TMEM232: variants seen among roughly 807,000 people sequenced by gnomAD.
The protein encoded by TMEM232 is transmembrane protein 232.
TMEM232 carries 80 observed loss-of-function variants against 78.8 expected under a neutral mutation model. That is an observed-to-expected ratio of 1.01 (90% CI 0.85 to 1.22). The LOEUF is 1.22. Among genes scored for constraint, TMEM232 ranks in the 50% most tolerant of loss-of-function variants. The pLI, the probability that TMEM232 is intolerant of heterozygous loss-of-function variation, is 0.00. For synonymous variants in TMEM232, 297 were observed against 254.3 expected (o/e 1.17, Z -1.60); for missense variants, 881 against 742.2 (o/e 1.19, Z -2.17).
intron 12 of TMEM232, among the ~76,000 whole-genome samples, chr5:110,524,155 C>A (rs1016396111): frequency 6.7e-6 from 1 of 148,494 alleles, no homozygotes; most frequent in Non-Finnish European, 1.5e-5. Flanking sequence ...CCCAGCTATT[C>A]GGGAGGCTGA....
At chr5:110,484,826 T>C (rs1217791102) in intron 12 of TMEM232, among the ~76,000 whole-genome samples, 4 of 152,016 alleles carry the variant, frequency 2.6e-5, no homozygotes, top group Non-Finnish European at 4.4e-5. Context: ...AGCCTCAAAA[T>C]ATATGAAGCA....
At chr5:110,726,329 A>G (rs1378220384) in intron 1 of TMEM232, among the ~76,000 whole-genome samples, 1 of 151,954 alleles carries the variant, frequency 6.6e-6, no homozygotes, top group Non-Finnish European at 1.5e-5. Flanking sequence ...TTCCCTATTC[A>G]TAGCAATAAG....
intron 11 of TMEM232, among the ~76,000 whole-genome samples, chr5:110,533,486 A>G (rs1308784356): frequency 2.0e-5 from 3 of 152,168 alleles, no homozygotes. Context: ...TGTGTGCAGC[A>G]GCTGCCGCTG....
At chr5:110,498,088 CT>C (rs1765824366) in intron 12 of TMEM232, among the ~76,000 whole-genome samples, 1 of 152,068 alleles carries the variant, frequency 6.6e-6, no homozygotes, top group African/African-American at 2.4e-5. Context: ...GTTAAAGACT[CT>C]TCAAATAAGC....
chr5:110,720,482 G>C (rs1199226598), intron 1 of TMEM232: 1 of 152,058 alleles, frequency 6.6e-6, no homozygotes. Context: ...TAGGGGAGAG[G>C]GAGTCCCATC....
intron 1 of TMEM232, among the ~76,000 whole-genome samples, chr5:110,716,175 G>A (rs572785379): frequency 6.6e-6 from 1 of 152,166 alleles, no homozygotes; most frequent in African/African-American, 2.4e-5. Context: ...CATGGGCCAT[G>A]GGTACTCGTA....
At chr5:110,699,571 T>C (rs1212782987) in intron 1 of TMEM232, among the ~76,000 whole-genome samples, 1 of 152,034 alleles carries the variant, frequency 6.6e-6, no homozygotes, top group Non-Finnish European at 1.5e-5. Flanking sequence ...GAATTTCAAA[T>C]GGCATTTAGA....
At chr5:110,590,016 C>T (rs1050987346) in intron 10 of TMEM232, among the ~76,000 whole-genome samples, 1 of 152,048 alleles carries the variant, frequency 6.6e-6, no homozygotes. Context: ...AGCTTAACTC[C>T]ATTAAGACAT....
chr5:110,481,948 C>G (rs954838378), intron 12 of TMEM232, among the ~76,000 whole-genome samples: 4 of 152,170 alleles, frequency 2.6e-5, no homozygotes, highest in African/African-American at 9.7e-5. Context: ...AGCAATATTT[C>G]TCATTCTTAT....
chr5:110,389,027 G>A (rs1262267582), intron 4 of TMEM232, among the ~76,000 whole-genome samples: 7 of 152,126 alleles, frequency 4.6e-5, no homozygotes, highest in African/African-American at 1.4e-4. Flanking sequence ...TTGGGAAGCC[G>A]AGGCAGGTGG....
At chr5:110,417,445 G>A (rs577092754), downstream of TMEM232, among the ~76,000 whole-genome samples, 1 of 152,262 alleles carries the variant, frequency 6.6e-6, no homozygotes, top group East Asian at 1.9e-4. Flanking sequence ...TCCTTTGTGA[G>A]TTTTGAAGCA....
At chr5:110,511,032 T>C (rs1767669139) in intron 12 of TMEM232, among the ~76,000 whole-genome samples, 1 of 152,074 alleles carries the variant, frequency 6.6e-6, no homozygotes, top group Non-Finnish European at 1.5e-5. Flanking sequence ...TAGCAAAGAC[T>C]TGGAGACAAC....
chr5:110,615,719 T>G (rs1669708325), intron 8 of TMEM232, among the ~76,000 whole-genome samples: 1 of 151,954 alleles, frequency 6.6e-6, no homozygotes, highest in Non-Finnish European at 1.5e-5. Context: ...CAAATGATCT[T>G]ATATATAGAA....
intron 10 of TMEM232, among the ~76,000 whole-genome samples, chr5:110,592,799 T>C (rs1445314311): frequency 1.3e-5 from 2 of 152,194 alleles, no homozygotes; most frequent in Non-Finnish European, 2.9e-5. Flanking sequence ...TGTGCCATTT[T>C]AAAGATTGAA....
intron 2 of TMEM232, among the ~76,000 whole-genome samples, chr5:110,405,158 T>TA (rs1324437464): frequency 6.6e-6 from 1 of 151,920 alleles, no homozygotes; most frequent in East Asian, 1.9e-4. Context: ...TAAAGCAAGA[T>TA]AAAAAAGAGA....
intron 1 of TMEM232, among the ~76,000 whole-genome samples, chr5:110,675,100 T>C (rs1272355349): frequency 1.3e-5 from 2 of 151,996 alleles, no homozygotes; most frequent in East Asian, 3.9e-4. Flanking sequence ...GGATGGAGTG[T>C]ATTGGCGCAA....
At chr5:110,646,406 C>G (rs1235983164) in intron 2 of TMEM232, among the ~76,000 whole-genome samples, 1 of 151,684 alleles carries the variant, frequency 6.6e-6, no homozygotes, top group African/African-American at 2.4e-5. Context: ...AATCAAAAAT[C>G]CAGAAATAAA....
At chr5:110,394,966 G>A (rs188003397) in intron 3 of TMEM232, among the ~76,000 whole-genome samples, 36 of 152,170 alleles carry the variant, frequency 2.4e-4, no homozygotes, top group African/African-American at 8.2e-4. Context: ...GGGTAGTTTG[G>A]GGCATTCTCT....
At chr5:110,721,771 A>G (rs1029292800) in intron 1 of TMEM232, among the ~76,000 whole-genome samples, 3 of 148,512 alleles carry the variant, frequency 2.0e-5, no homozygotes, top group African/African-American at 7.4e-5. Flanking sequence ...CCTGTTTTGT[A>G]TATTAGACAT....
Sources: gnomAD v4.1 joint callset for allele counts (sites outside exome capture counted in the v4.1 genomes callset) on GRCh38, gnomAD v4.1.1 for gene constraint, MANE v1.5 for transcripts, NCBI Gene and HGNC (gene_info 2026-07-23, HGNC 2026-07-21) for gene names.